The following RBFOX1 variants were observed in gnomAD, a reference collection of about 807,000 sequenced individuals.
RBFOX1 encodes RNA binding fox-1 homolog 1, also known as RNA binding protein fox-1 homolog 1.
In RBFOX1, 8 loss-of-function variants were observed where a neutral mutation model predicts 57.7. The observed-to-expected ratio is 0.14, with a 90% CI of 0.08 to 0.25. RBFOX1 has a LOEUF of 0.25. Among genes scored for constraint, RBFOX1 ranks in the 10% least tolerant of loss-of-function variants. The pLI is 1.00. For synonymous variants in RBFOX1, 326 were observed against 222.4 expected, an observed-to-expected ratio of 1.47 and a Z score of -4.15; for missense variants, 611 against 548.5, an observed-to-expected ratio of 1.11 and a Z score of -1.14.
chr16:6,801,955 C>A (rs567548963), intron 3 of RBFOX1, among the ~76,000 whole-genome samples: 1 of 152,022 alleles, frequency 6.6e-6, no homozygotes, highest in African/African-American at 2.4e-5. Flanking sequence ...CTAAATGGGT[C>A]TAGGTGCTGG....
chr16:5,408,975 A>C (rs1158862662), intron 1 of RBFOX1, among the ~76,000 whole-genome samples: 1 of 152,244 alleles, frequency 6.6e-6, no homozygotes, highest in Non-Finnish European at 1.5e-5. Context: ...ATTACAGTTC[A>C]GTGTGAGATT....
At chr16:5,888,005 A>G (rs1050368893) in intron 4 of RBFOX1, among the ~76,000 whole-genome samples, 2 of 152,174 alleles carry the variant, frequency 1.3e-5, no homozygotes, top group African/African-American at 4.8e-5. Context: ...TGTTCCTGCA[A>G]TACTGTCTTC....
chr16:6,939,925 A>C (rs1022037638), intron 3 of RBFOX1, among the ~76,000 whole-genome samples: 2 of 152,052 alleles, frequency 1.3e-5, no homozygotes, highest in Admixed American at 6.6e-5. Flanking sequence ...TTTAATCACA[A>C]CTCTGGTTTA....
intron 4 of RBFOX1, among the ~76,000 whole-genome samples, chr16:7,295,428 G>C (rs982788956): frequency 1.3e-5 from 2 of 152,024 alleles, no homozygotes; most frequent in Non-Finnish European, 2.9e-5. Flanking sequence ...CATAATAATA[G>C]TTGCTATATA....
At chr16:6,596,215 T>C (rs1248518927) in intron 2 of RBFOX1, among the ~76,000 whole-genome samples, 2 of 131,128 alleles carry the variant, frequency 1.5e-5, no homozygotes, top group Admixed American at 8.5e-5. Flanking sequence ...TTTACTCCTG[T>C]TTCTTTTTTC....
intron 2 of RBFOX1, among the ~76,000 whole-genome samples, chr16:5,589,966 A>G (rs2046952384): frequency 6.6e-6 from 1 of 151,914 alleles, no homozygotes; most frequent in African/African-American, 2.4e-5. Context: ...CACTGCCTTG[A>G]CTGACGTGAG....
intron 1 of RBFOX1, among the ~76,000 whole-genome samples, chr16:6,248,325 G>A (rs182292080): frequency 6.6e-6 from 1 of 152,116 alleles, no homozygotes; most frequent in Non-Finnish European, 1.5e-5. Flanking sequence ...TTTGGATAAT[G>A]GGCATTTCTA....
At chr16:6,848,212 C>T (rs377681036) in intron 3 of RBFOX1, among the ~76,000 whole-genome samples, 1 of 151,982 alleles carries the variant, frequency 6.6e-6, no homozygotes, top group Non-Finnish European at 1.5e-5. Context: ...AGTGGCGACA[C>T]CATGGTGAGC....
At chr16:6,699,074 C>A (rs2061459077) in intron 3 of RBFOX1, among the ~76,000 whole-genome samples, 1 of 152,104 alleles carries the variant, frequency 6.6e-6, no homozygotes, top group Non-Finnish European at 1.5e-5. Flanking sequence ...AGTAGGCAGG[C>A]AAGTGACAAT....
At chr16:6,882,699 G>C (rs1000729678) in intron 3 of RBFOX1, among the ~76,000 whole-genome samples, 1 of 152,182 alleles carries the variant, frequency 6.6e-6, no homozygotes, top group African/African-American at 2.4e-5. Context: ...CAACCATTCA[G>C]TTTGGGATAT....
chr16:6,088,797 C>G (rs1449496392), intron 1 of RBFOX1, among the ~76,000 whole-genome samples: 1 of 152,010 alleles, frequency 6.6e-6, no homozygotes, highest in Non-Finnish European at 1.5e-5. Context: ...TTCAGATCCT[C>G]AAAAAGATCT....
intron 14 of RBFOX1, among the ~76,000 whole-genome samples, chr16:7,685,129 C>T (rs1338549217): frequency 6.6e-6 from 1 of 152,046 alleles, no homozygotes; most frequent in South Asian, 2.1e-4. Flanking sequence ...CTGCACTTCC[C>T]AGACTCCAGA....
rs1418422288 is a variant in RBFOX1 at position 5,366,512 on chromosome 16, A to C, written c.220-100704A>C. ...TTCAAGAAACAGGAAAAAACTGCTA[A>C]AACACCGAAAGGACCTAGTTCTGTA... On this transcript the variant is annotated intron_variant, in intron 1 of 2. Transcript: ENST00000585867. 16 of 433,154 alleles carry C rather than the reference A, an allele frequency of 3.7e-5. No individual in the cohort carries two copies. In the East Asian group the frequency reaches 5.2e-4, roughly 14 times the overall value. The allele number at this position is 433,154 out of a possible 1,614,324, so 26.8% of individuals were successfully genotyped here. A position where few individuals can be genotyped will look rare whatever the true frequency, so the allele number is the denominator to read the frequency against.
chr16:7,165,055 G>A (rs2079136699), intron 4 of RBFOX1, among the ~76,000 whole-genome samples: 1 of 152,158 alleles, frequency 6.6e-6, no homozygotes, highest in African/African-American at 2.4e-5. Context: ...ATAAAGGAGA[G>A]CTACTATTCC....
intron 4 of RBFOX1, among the ~76,000 whole-genome samples, chr16:7,300,705 C>T (rs2096010679): frequency 6.6e-6 from 1 of 152,114 alleles, no homozygotes; most frequent in African/African-American, 2.4e-5. Flanking sequence ...AAATGGTTTC[C>T]ATTCTTCTTT....
At chr16:7,545,655 G>T (rs2084264207) in intron 5 of RBFOX1, among the ~76,000 whole-genome samples, 1 of 152,056 alleles carries the variant, frequency 6.6e-6, no homozygotes, top group South Asian at 2.1e-4. Flanking sequence ...AGAGCCAAAT[G>T]CTCTGAGTGA....
At chr16:6,298,970 T>A (rs2078466578) in intron 1 of RBFOX1, among the ~76,000 whole-genome samples, 1 of 152,148 alleles carries the variant, frequency 6.6e-6, no homozygotes, top group Admixed American at 6.5e-5. Flanking sequence ...TTGGTGACAG[T>A]GGATGGAAAA....
chr16:5,737,423 T>A (rs1302006876), intron 3 of RBFOX1, among the ~76,000 whole-genome samples: 1 of 151,902 alleles, frequency 6.6e-6, no homozygotes, highest in African/African-American at 2.4e-5. Context: ...GAGGTGGAGG[T>A]TGCAGTGAGT....
chr16:6,060,169 A>G (rs1361506352), intron 1 of RBFOX1, among the ~76,000 whole-genome samples: 2 of 117,750 alleles, frequency 1.7e-5, no homozygotes, highest in Non-Finnish European at 3.4e-5. Context: ...ACGTATAACA[A>G]GAATGGAGAA....
Sources: allele counts gnomAD v4.1 joint callset (sites outside exome capture counted in the v4.1 genomes callset), GRCh38; gene constraint gnomAD v4.1.1; transcripts MANE v1.5; gene names NCBI Gene and HGNC (gene_info 2026-07-23, HGNC 2026-07-21).